SNX29: variants seen among roughly 807,000 people sequenced by gnomAD.
SNX29 encodes the protein sorting nexin 29, also known as sorting nexin-29.
A neutral mutation model predicts 102.1 loss-of-function variants in SNX29; 78 were observed. The ratio of observed to expected loss-of-function variants is 0.76; its 90% CI spans 0.64 to 0.92. The LOEUF (loss-of-function observed/expected upper bound fraction) is 0.92, where lower values mean the gene tolerates loss of function less well. Among genes scored for constraint, SNX29 ranks in the 40% least tolerant of loss-of-function variants. SNX29 has a pLI of 0.00. For missense variants in SNX29, 1,280 were observed against 1,061.7 expected (o/e 1.21, Z -2.86); for synonymous variants, 580 against 414.5 (o/e 1.40, Z -4.85).
In SNX29 at chr16:12,569,671, T is replaced by C; in HGVS notation, c.*1042T>C. 4.3e-6 allele frequency: 1 copy of C among 229,944 alleles called. No homozygotes were observed. Among genetic ancestry groups the C allele is most frequent in the Non-Finnish European group, 8.6e-6 (1 of 115,978 alleles). 14.2% of individuals were successfully genotyped at this position (229,944 alleles called of 1,614,324 possible). ...CTCTGTTCCTCCCATGTCAGGTGGC[T>C]CTCAGAGTACAGGGACCTTGGCAGG... On this transcript the variant is annotated 3_prime_UTR_variant, in exon 21 of 21. Transcript: ENST00000566228.
At chr16:12,452,759 G>C (rs1177268167) in intron 18 of SNX29, among the ~76,000 whole-genome samples, 1 of 152,130 alleles carries the variant, frequency 6.6e-6, no homozygotes, top group South Asian at 2.1e-4. Context: ...GAGGAGCCGG[G>C]TGGTGAAGGT....
intron 6 of SNX29, 65 bp downstream of exon 6, chr16:12,046,519 A>G: frequency 6.7e-7 from 1 of 1,482,988 alleles, no homozygotes; most frequent in Non-Finnish European, 9.4e-7. Context: ...GCCTTGGGGC[A>G]GTTCCACAGC....
intron 20 of SNX29, among the ~76,000 whole-genome samples, chr16:12,553,573 C>T (rs1234847367): frequency 6.8e-6 from 1 of 147,690 alleles, no homozygotes; most frequent in African/African-American, 2.4e-5. Flanking sequence ...GCTGTGGGCT[C>T]TGAGGATGCT....
At chr16:12,420,165 C>G (rs1245819310) in intron 18 of SNX29, among the ~76,000 whole-genome samples, 1 of 152,236 alleles carries the variant, frequency 6.6e-6, no homozygotes, top group Non-Finnish European at 1.5e-5. Flanking sequence ...TTGTGACAAG[C>G]TAAGATGTCT....
At chr16:12,013,542 T>TATATAGAGAGAGAGAGAGAGAGAG (rs1382498593) in intron 3 of SNX29, among the ~76,000 whole-genome samples, 5 of 109,076 alleles carry the variant, frequency 4.6e-5, no homozygotes, top group African/African-American at 1.7e-4. Flanking sequence ...TATATATATA[T>TATATAGAGAGAGAGAGAGAGAGAG]CGAGAGAGGA....
intron 14 of SNX29, among the ~76,000 whole-genome samples, chr16:12,265,885 G>T (rs1178922120): frequency 1.3e-5 from 2 of 151,908 alleles, no homozygotes; most frequent in Admixed American, 6.6e-5. Flanking sequence ...GAGACACCCT[G>T]TCTCAAAAAA....
intron 18 of SNX29, among the ~76,000 whole-genome samples, chr16:12,456,428 T>C (rs2086540467): frequency 6.6e-6 from 1 of 152,074 alleles, no homozygotes; most frequent in South Asian, 2.1e-4. Context: ...CCAAATGCTG[T>C]GAAGAAGCAG....
chr16:12,541,996 A>G (rs1177091434), intron 20 of SNX29, among the ~76,000 whole-genome samples: 3 of 152,198 alleles, frequency 2.0e-5, no homozygotes, highest in African/African-American at 7.2e-5. Context: ...TGAGTCCAGA[A>G]GGGCTCACGT....
intron 19 of SNX29, among the ~76,000 whole-genome samples, chr16:12,499,221 G>A (rs9939265): frequency 0.014 from 2,098 of 152,316 alleles, 61 homozygotes; most frequent in African/African-American, 0.048. Context: ...TCCCTCAGCA[G>A]TACTGTTGGT....
At chr16:12,064,498 C>G (rs906532257) in intron 9 of SNX29, among the ~76,000 whole-genome samples, 10 of 152,320 alleles carry the variant, frequency 6.6e-5, no homozygotes, top group African/African-American at 2.2e-4. Context: ...CTGGAGATGA[C>G]GTGTGCCGGC....
chr16:12,182,114 T>C (rs1036496229), intron 13 of SNX29, among the ~76,000 whole-genome samples: 107 of 151,868 alleles, frequency 7.0e-4, no homozygotes, highest in African/African-American at 2.5e-3. Context: ...CTTGAACTCC[T>C]GACCTCAGGT....
chr16:12,515,404 A>T (rs139402043), intron 19 of SNX29: 21 of 428,526 alleles, frequency 4.9e-5, no homozygotes, highest in Admixed American at 1.5e-4. Context: ...TGGAGAGCTG[A>T]ATGAGAGGAT....
chr16:12,167,997 C>G (rs1006049487), intron 13 of SNX29, among the ~76,000 whole-genome samples: 5 of 152,194 alleles, frequency 3.3e-5, no homozygotes, highest in African/African-American at 1.2e-4. Flanking sequence ...AAGCTCTCAG[C>G]CAGCACGCTG....
chr16:12,565,138 C>T (rs943228382), intron 20 of SNX29, among the ~76,000 whole-genome samples: 1 of 150,642 alleles, frequency 6.6e-6, no homozygotes, highest in Non-Finnish European at 1.5e-5. Flanking sequence ...CATTAGCCCC[C>T]ACTTCCTTTG....
At chr16:12,550,545 A>C (rs1029172245) in intron 20 of SNX29, among the ~76,000 whole-genome samples, 12 of 151,582 alleles carry the variant, frequency 7.9e-5, no homozygotes, top group East Asian at 3.9e-4. Context: ...AAAAAAAAAA[A>C]AACCAAACAC....
At chr16:12,364,045 T>G (rs1011062039) in intron 16 of SNX29, among the ~76,000 whole-genome samples, 3 of 152,124 alleles carry the variant, frequency 2.0e-5, no homozygotes, top group African/African-American at 7.2e-5. Context: ...CAGGCTGGAG[T>G]GCAGTGGCAC....
chr16:12,214,233 G>T (rs1011150270), intron 14 of SNX29, among the ~76,000 whole-genome samples: 3 of 152,142 alleles, frequency 2.0e-5, no homozygotes, highest in African/African-American at 4.8e-5. Context: ...TTATTGTTTG[G>T]TAGGAAACAA....
At chr16:12,497,980 C>A (rs2088916052) in intron 19 of SNX29, among the ~76,000 whole-genome samples, 1 of 152,160 alleles carries the variant, frequency 6.6e-6, no homozygotes, top group Non-Finnish European at 1.5e-5. Context: ...AAGGCTGTAG[C>A]ACTGTCACCA....
chr16:12,217,274 C>T (rs1277679011), intron 14 of SNX29, among the ~76,000 whole-genome samples: 2 of 152,246 alleles, frequency 1.3e-5, no homozygotes, highest in Non-Finnish European at 2.9e-5. Context: ...CCTGCCTTGG[C>T]CTCCCAAAGT....
Sources: allele counts gnomAD v4.1 joint callset (sites outside exome capture counted in the v4.1 genomes callset), GRCh38; gene constraint gnomAD v4.1.1; transcripts MANE v1.5; gene names NCBI Gene and HGNC (gene_info 2026-07-23, HGNC 2026-07-21).